Variants in PPP4R3B observed in about 807,000 individuals in gnomAD.
PPP4R3B encodes serine/threonine-protein phosphatase 4 regulatory subunit 3B.
Under a neutral mutation model 95.4 loss-of-function variants are expected in PPP4R3B, and 52 were observed. That is an observed-to-expected ratio of 0.54 (90% CI 0.44 to 0.69). PPP4R3B has a LOEUF of 0.69. Ranked by LOEUF, PPP4R3B falls within the 30% of genes least tolerant of loss-of-function variation. PPP4R3B has a pLI of 0.00. For missense variants in PPP4R3B, 1,003 were observed against 1,005.9 expected (o/e 1.00, Z 0.04); for synonymous variants, 407 against 343.9 (o/e 1.18, Z -2.03).
At chr2:55,564,537 A>T (rs760639752) in intron 14 of PPP4R3B, 40 bp from the exon 15 acceptor site, 1 of 1,526,566 alleles carries the variant, frequency 6.6e-7, no homozygotes, top group Non-Finnish European at 8.8e-7. Context: ...AATGATTTAA[A>T]GTTCATCATC....
rs534801937 is a variant in PPP4R3B at position 55,587,305 on chromosome 2, G to A, written c.1000-571C>T. On this transcript the variant is annotated intron_variant, in intron 5 of 16. Transcript: ENST00000616407. ...ATACTCTGAAATGATGACATCTGGC[G>A]GGGCACAGTGGCTCACGCCTGTAAT... is the stretch of plus-strand genomic sequence containing the variant. Among the ~76,000 whole-genome samples, 12 of 152,322 alleles carry A rather than the reference G, an allele frequency of 7.9e-5. 1 individual carries two copies. The South Asian group carries it at 2.3e-3, about 29-fold the overall frequency.
At chr2:55,598,121 G>A (rs1692051751) in intron 4 of PPP4R3B, among the ~76,000 whole-genome samples, 1 of 152,138 alleles carries the variant, frequency 6.6e-6, no homozygotes. Flanking sequence ...TCGGGAGGCT[G>A]AGGAAGAAGA....
intron 4 of PPP4R3B, among the ~76,000 whole-genome samples, chr2:55,596,529 T>C (rs775765974): frequency 1.3e-5 from 2 of 152,248 alleles, no homozygotes; most frequent in Non-Finnish European, 2.9e-5. Context: ...TGATGTCTTC[T>C]GTTTCCAAAG....
chr2:55,607,204 G>C (rs1347359048), intron 2 of PPP4R3B, among the ~76,000 whole-genome samples: 3 of 152,058 alleles, frequency 2.0e-5, no homozygotes, highest in Non-Finnish European at 4.4e-5. Flanking sequence ...AGAAGTGTGA[G>C]GATTTCTCCC....
chr2:55,587,469 A>C (rs886770953), intron 5 of PPP4R3B, among the ~76,000 whole-genome samples: 8 of 152,244 alleles, frequency 5.3e-5, no homozygotes, highest in Admixed American at 3.3e-4. Flanking sequence ...CTGTAATCAC[A>C]GCTACTCAGG....
At chr2:55,573,344 A>G (rs1688246976) in intron 12 of PPP4R3B, among the ~76,000 whole-genome samples, 1 of 152,180 alleles carries the variant, frequency 6.6e-6, no homozygotes, top group South Asian at 2.1e-4. Flanking sequence ...AGATGTAAAA[A>G]AACAGCAGGA....
In PPP4R3B at chr2:55,558,987, T is replaced by C; in HGVS notation, c.2261-19A>G. 6.3e-7 allele frequency: 1 copy of C among 1,586,310 alleles called. No individual in the cohort carries two copies. The highest frequency in any genetic ancestry group is 8.6e-7 in the Non-Finnish European group (1 of 1,163,720). On this transcript the variant is annotated intron_variant, in intron 15 of 16. Transcript: ENST00000616407. ...TCTTTTGCTAAAGCAAAAGTAAAAT[T>C]TTGAACGTATATCAATAAATACTGC... is the stretch of plus-strand genomic sequence containing the variant.
rs1398260457 is a variant in PPP4R3B at position 55,581,709 on chromosome 2, A to C, written c.1234-11T>G. ...AATAAGAAGAATATCCTGGTGGCAA[A>C]ACAAAACAAAACAAAACATGTTTCC... is the stretch of plus-strand genomic sequence containing the variant. On this transcript the variant is annotated splice_polypyrimidine_tract_variant and intron_variant, in intron 7 of 16. Transcript: ENST00000616407. 1.9e-6 allele frequency: 3 copies of C among 1,581,444 alleles called. No individual in the cohort carries two copies. The highest frequency in any genetic ancestry group is 1.4e-5 in the African/African-American group (1 of 73,816).
intron 4 of PPP4R3B, among the ~76,000 whole-genome samples, chr2:55,596,906 A>G (rs1691857967): frequency 6.6e-6 from 1 of 152,060 alleles, no homozygotes; most frequent in African/African-American, 2.4e-5. Context: ...GGAGGTTGCA[A>G]TGAGCCGAAA....
rs762665530 is a variant in PPP4R3B at position 55,564,373 on chromosome 2, T to C, written c.2200A>G (p.Lys734Glu). 4.3e-6 allele frequency: 7 copies of C among 1,613,912 alleles called. No homozygotes were observed. In the Admixed American group the frequency reaches 8.3e-5, roughly 19 times the overall value. Residue 734 changes from lysine (K) to glutamate (E), a missense_variant, in exon 15 of 17, where the codon AAA becomes GAA. By Grantham distance (56) the Lys-to-Glu change is moderately conservative. Transcript: ENST00000616407. ...EGKAVVAPVE[K>E]PKPEDDFPDN... ...GGAAAATCATCTTCTGGCTTAGGTT[T>C]TTCCACTGGTGCCACAACTGCTTTT...
chr2:55,571,432 C>T (rs987518676), intron 12 of PPP4R3B, among the ~76,000 whole-genome samples: 5 of 151,862 alleles, frequency 3.3e-5, no homozygotes, highest in African/African-American at 1.2e-4. Flanking sequence ...ATCAAACATT[C>T]CAAAATTAAT....
At chr2:55,608,800 A>G (rs1693766640) in intron 2 of PPP4R3B, among the ~76,000 whole-genome samples, 1 of 152,190 alleles carries the variant, frequency 6.6e-6, no homozygotes. Context: ...CCTGGGCATC[A>G]TAGTGAGACC....
intron 7 of PPP4R3B, 60 bp downstream of exon 7, chr2:55,584,991 G>T: frequency 1.7e-6 from 2 of 1,176,378 alleles, no homozygotes; most frequent in South Asian, 1.5e-5. Context: ...TCTCTCAATA[G>T]TTTGCAAACA....
chr2:55,576,572 C>T (rs1446761590), intron 11 of PPP4R3B, among the ~76,000 whole-genome samples: 1 of 151,744 alleles, frequency 6.6e-6, no homozygotes, highest in African/African-American at 2.4e-5. Flanking sequence ...GAAACTCCGC[C>T]TCTACTAAAA....
intron 16 of PPP4R3B, among the ~76,000 whole-genome samples, chr2:55,556,118 C>G (rs1419353557): frequency 6.6e-6 from 1 of 152,188 alleles, no homozygotes; most frequent in Non-Finnish European, 1.5e-5. Context: ...GAATCTGTCA[C>G]CACTTAGGAA....
At chr2:55,612,310 T>C (rs1694275434) in intron 2 of PPP4R3B, among the ~76,000 whole-genome samples, 1 of 152,216 alleles carries the variant, frequency 6.6e-6, no homozygotes, top group African/African-American at 2.4e-5. Context: ...TTAATAACTT[T>C]CTAGACTAAT....
At chr2:55,609,764 C>T (rs1344839514) in intron 2 of PPP4R3B, among the ~76,000 whole-genome samples, 2 of 150,864 alleles carry the variant, frequency 1.3e-5, no homozygotes, top group Admixed American at 1.3e-4. Context: ...AAAAGCAAAG[C>T]ACAAAACAGT....
At chr2:55,602,078 G>A (rs1385688972) in intron 3 of PPP4R3B, among the ~76,000 whole-genome samples, 2 of 152,130 alleles carry the variant, frequency 1.3e-5, no homozygotes, top group Non-Finnish European at 2.9e-5. Flanking sequence ...TTCTGTACAA[G>A]TTTATGATAA....
chr2:55,597,945 C>T (rs182631918), intron 4 of PPP4R3B, among the ~76,000 whole-genome samples: 23 of 151,906 alleles, frequency 1.5e-4, no homozygotes, highest in African/African-American at 5.1e-4. Flanking sequence ...GGGCTGGGCG[C>T]GGTGGCTCAC....
Sources: gnomAD v4.1 joint callset for allele counts (sites outside exome capture counted in the v4.1 genomes callset) on GRCh38, gnomAD v4.1.1 for gene constraint, MANE v1.5 for transcripts, NCBI Gene and HGNC (gene_info 2026-07-23, HGNC 2026-07-21) for gene names.